SLCO1B1: variants seen among roughly 807,000 people sequenced by gnomAD.
SLCO1B1 encodes the protein solute carrier organic anion transporter family member 1B1.
Under a neutral mutation model 70.1 loss-of-function variants are expected in SLCO1B1, and 81 were observed. The ratio of observed to expected loss-of-function variants is 1.16; its 90% confidence interval spans 0.97 to 1.39. The LOEUF is 1.39. Ranked by LOEUF, SLCO1B1 falls within the 40% of genes most tolerant of loss-of-function variation. SLCO1B1 has a pLI of 0.00. For synonymous variants in SLCO1B1, 283 were observed against 271.5 expected, an observed-to-expected ratio of 1.04 and a Z score of -0.42; for missense variants, 895 against 799.6, an observed-to-expected ratio of 1.12 and a Z score of -1.44.
At chr12:21,229,365 A>G (rs1244419796) in intron 14 of SLCO1B1, among the ~76,000 whole-genome samples, 2 of 152,194 alleles carry the variant, frequency 1.3e-5, no homozygotes, top group African/African-American at 2.4e-5. Context: ...TAGTTTCTCT[A>G]CCCTAAAAAT....
At chr12:21,132,860 G>T (rs1441607565) in intron 1 of SLCO1B1, among the ~76,000 whole-genome samples, 4 of 152,044 alleles carry the variant, frequency 2.6e-5, no homozygotes, top group African/African-American at 7.2e-5. Flanking sequence ...GTCATTTTTG[G>T]CTTTTGTTGC....
At chr12:21,193,931 C>T (rs575940523) in intron 7 of SLCO1B1, among the ~76,000 whole-genome samples, 152 of 152,244 alleles carry the variant, frequency 1.0e-3, no homozygotes, top group African/African-American at 3.6e-3. Context: ...GCTGGGACTA[C>T]AGGTGCCCAC....
intron 7 of SLCO1B1, among the ~76,000 whole-genome samples, chr12:21,193,626 A>C (rs1286951857): frequency 6.6e-6 from 1 of 152,198 alleles, no homozygotes; most frequent in Non-Finnish European, 1.5e-5. Context: ...GTTAGGTTGC[A>C]AATTTTCCAA....
intron 1 of SLCO1B1, among the ~76,000 whole-genome samples, chr12:21,132,995 G>C (rs1940164220): frequency 6.6e-6 from 1 of 151,902 alleles, no homozygotes; most frequent in East Asian, 1.9e-4. Flanking sequence ...AATCCATCTT[G>C]AATTAATTTT....
At position 21,141,561 on chromosome 12, in the gene SLCO1B1, T is replaced by C; in HGVS notation, c.-14T>C. The C allele has an allele frequency of 1.9e-6, 3 of 1,548,310 alleles. No individual in the cohort carries two copies. The highest frequency in any genetic ancestry group is 2.3e-5 in the East Asian group (1 of 44,248). ...CAACAACAAAAACATTTGTATGATA[T>C]CTATATTTCAATCATGGACCAAAAT... On this transcript the variant is annotated 5_prime_UTR_variant, in exon 2 of 15. Transcript: ENST00000256958.
At position 21,216,935 on chromosome 12, in the gene SLCO1B1, T is replaced by G. The variant is rs545274294; in HGVS notation, c.1498-184T>G. Among the ~76,000 whole-genome samples, 13 of 152,302 alleles carry G rather than the reference T, an allele frequency of 8.5e-5. No homozygotes were observed. The South Asian group carries it at 2.7e-3, about 32-fold the overall frequency. On this transcript the variant is annotated intron_variant, in intron 11 of 14. Transcript: ENST00000256958. ...CAATCATGAATTACATTGTCTTATA[T>G]AGAAAGAAATCCACAAAACTATTTT...
chr12:21,178,123 A>G (rs4149051), intron 5 of SLCO1B1, among the ~76,000 whole-genome samples: 50,804 of 151,714 alleles, frequency 0.33, 9,826 homozygotes, highest in African/African-American at 0.53. Flanking sequence ...AATAATCTCC[A>G]CATGCCAAGA....
At chr12:21,214,400 G>C (rs1442601520) in intron 11 of SLCO1B1, among the ~76,000 whole-genome samples, 3 of 149,070 alleles carry the variant, frequency 2.0e-5, no homozygotes, top group Admixed American at 6.6e-5. Context: ...GGACCCACTT[G>C]AGGAGGCAGT....
chr12:21,209,425 A>C (rs12366994), intron 11 of SLCO1B1, among the ~76,000 whole-genome samples: 1 of 152,076 alleles, frequency 6.6e-6, no homozygotes, highest in African/African-American at 2.4e-5. Context: ...TCCATGGTGT[A>C]TATGTGCCAC....
At chr12:21,215,686 C>T (rs1941349202) in intron 11 of SLCO1B1, among the ~76,000 whole-genome samples, 1 of 151,996 alleles carries the variant, frequency 6.6e-6, no homozygotes, top group African/African-American at 2.4e-5. Flanking sequence ...GTTTTTGTGT[C>T]TTGCTATATT....
intron 2 of SLCO1B1, among the ~76,000 whole-genome samples, chr12:21,165,087 A>G (rs1044474972): frequency 3.9e-5 from 6 of 152,078 alleles, no homozygotes; most frequent in Admixed American, 6.6e-5. Flanking sequence ...AAGCTAATCC[A>G]AGTTGTGCGT....
intron 11 of SLCO1B1, among the ~76,000 whole-genome samples, chr12:21,215,489 G>A (rs143218796): frequency 0.011 from 1,643 of 152,258 alleles, 30 homozygotes; most frequent in African/African-American, 0.036. Flanking sequence ...TTTATTGATT[G>A]TGTATACTGG....
intron 2 of SLCO1B1, among the ~76,000 whole-genome samples, chr12:21,154,924 T>C (rs1940520665): frequency 6.6e-6 from 1 of 152,072 alleles, no homozygotes; most frequent in South Asian, 2.1e-4. Flanking sequence ...AATATATTTC[T>C]TTGTCTTTTG....
intron 1 of SLCO1B1, among the ~76,000 whole-genome samples, chr12:21,133,957 T>C (rs1940178198): frequency 6.6e-6 from 1 of 152,216 alleles, no homozygotes; most frequent in Admixed American, 6.5e-5. Context: ...CAGTATCATA[T>C]TGGCTGCAGG....
At chr12:21,177,044 A>C in intron 5 of SLCO1B1, 147 bp downstream of exon 5, 1 of 643,082 alleles carries the variant, frequency 1.6e-6, no homozygotes, top group Non-Finnish European at 2.8e-6. Flanking sequence ...TTATAGTGTT[A>C]ATATACACAG....
intron 2 of SLCO1B1, among the ~76,000 whole-genome samples, chr12:21,145,105 A>G (rs1318745160): frequency 6.6e-6 from 1 of 152,220 alleles, no homozygotes; most frequent in Non-Finnish European, 1.5e-5. Flanking sequence ...TACACTTAAA[A>G]GGCATAGAAT....
intron 2 of SLCO1B1, among the ~76,000 whole-genome samples, chr12:21,166,606 A>T (rs1940689634): frequency 1.3e-5 from 2 of 152,212 alleles, no homozygotes. Flanking sequence ...ACTTGTTAAA[A>T]GGACTAAAAT....
chr12:21,224,939 C>T (rs1289057869), intron 14 of SLCO1B1, 100 bp downstream of exon 14: 17 of 654,606 alleles, frequency 2.6e-5, no homozygotes, highest in Non-Finnish European at 4.1e-5. Flanking sequence ...ATGATAGCCA[C>T]CATTTAATGA....
At chr12:21,223,784 A>G (rs920662704) in intron 13 of SLCO1B1, among the ~76,000 whole-genome samples, 1 of 152,172 alleles carries the variant, frequency 6.6e-6, no homozygotes, top group Non-Finnish European at 1.5e-5. Context: ...TAGTTGCACC[A>G]TCTTAAGGAC....
Sources: gnomAD v4.1 joint callset for allele counts (sites outside exome capture counted in the v4.1 genomes callset) on GRCh38, gnomAD v4.1.1 for gene constraint, MANE v1.5 for transcripts, NCBI Gene and HGNC (gene_info 2026-07-23, HGNC 2026-07-21) for gene names.